Variants in GRK3 observed in about 807,000 individuals in gnomAD.
The protein encoded by GRK3 is adrenergic, beta, receptor kinase 2.
A neutral mutation model predicts 95.7 loss-of-function variants in GRK3; 54 were observed. The ratio of observed to expected loss-of-function variants is 0.56; its 90% CI spans 0.45 to 0.71. GRK3 has a LOEUF of 0.71. Among genes scored for constraint, GRK3 ranks in the 30% least tolerant of loss-of-function variants. GRK3 has a pLI of 0.00. For synonymous variants in GRK3, 281 were observed against 290.8 expected (o/e 0.97, Z 0.34); for missense variants, 649 against 851.2 (o/e 0.76, Z 2.96).
At chr22:25,691,071 G>A (rs948758855) in intron 12 of GRK3, among the ~76,000 whole-genome samples, 2 of 152,196 alleles carry the variant, frequency 1.3e-5, no homozygotes, top group African/African-American at 2.4e-5. Context: ...GACTAGGGCA[G>A]TTCCCCCGGG....
rs541238757 is a variant in GRK3, at chr22:25,699,940, T to G, written c.1161-3570T>G. 2.0e-5 allele frequency among the ~76,000 whole-genome samples: 3 copies of G among 152,300 alleles called. No homozygotes were observed. The East Asian group carries it at 5.8e-4, about 29-fold the overall frequency. ...GTCCCGATCTCCTGATCCCGTGATC[T>G]GCCCGCCTCGGCCTCCCAAAGTGCT... is the stretch of plus-strand genomic sequence containing the variant. On this transcript the variant is annotated intron_variant, in intron 13 of 20. Coordinates refer to ENST00000324198, the MANE Select transcript of GRK3 (RefSeq NM_005160.4).
At chr22:25,719,533 C>G (rs528623103) in intron 19 of GRK3, among the ~76,000 whole-genome samples, 2 of 152,134 alleles carry the variant, frequency 1.3e-5, no homozygotes, top group Non-Finnish European at 2.9e-5. Context: ...AAGATCCTTT[C>G]GAGAGCTAAT....
At chr22:25,611,495 G>A (rs764167880) in intron 2 of GRK3, among the ~76,000 whole-genome samples, 7 of 152,068 alleles carry the variant, frequency 4.6e-5, no homozygotes, top group Admixed American at 6.5e-5. Flanking sequence ...GTTGTTACCC[G>A]TCTTTTTTGT....
intron 4 of GRK3, among the ~76,000 whole-genome samples, chr22:25,662,169 T>C (rs1304976333): frequency 6.6e-6 from 1 of 152,170 alleles, no homozygotes; most frequent in East Asian, 1.9e-4. Flanking sequence ...CAATCTAACT[T>C]GGTCATTAGG....
At chr22:25,590,961 A>T (rs1318788297) in intron 1 of GRK3, among the ~76,000 whole-genome samples, 3 of 152,196 alleles carry the variant, frequency 2.0e-5, no homozygotes, top group East Asian at 3.9e-4. Context: ...TTGTCTTACC[A>T]GCTGGGCGTT....
At chr22:25,677,377 T>TAAAAAAAAAAA (rs376997700) in intron 8 of GRK3, among the ~76,000 whole-genome samples, 1 of 42,550 alleles carries the variant, frequency 2.4e-5, no homozygotes, top group African/African-American at 1.0e-4. Flanking sequence ...CCCCATATCT[T>TAAAAAAAAAAA]AAAAAAAAAA....
intron 2 of GRK3, among the ~76,000 whole-genome samples, chr22:25,627,194 C>A (rs185660688): frequency 1.6e-4 from 25 of 152,192 alleles, no homozygotes; most frequent in Non-Finnish European, 2.9e-4. Flanking sequence ...GCTCAAGAGC[C>A]GAGTTTTTAT....
intron 2 of GRK3, among the ~76,000 whole-genome samples, chr22:25,619,489 TGTC>T (rs1334737650): frequency 2.0e-5 from 3 of 152,042 alleles, no homozygotes; most frequent in Admixed American, 6.5e-5. Flanking sequence ...GAGTTTTTGT[TGTC>T]GTTGTTTTCG....
chr22:25,676,952 CT>C (rs1329919984), intron 8 of GRK3, among the ~76,000 whole-genome samples: 3 of 152,152 alleles, frequency 2.0e-5, no homozygotes, highest in African/African-American at 7.2e-5. Flanking sequence ...AGGTGCACCC[CT>C]AGGAGCCTGT....
chr22:25,616,406 G>A (rs1402453451), intron 2 of GRK3, among the ~76,000 whole-genome samples: 1 of 151,562 alleles, frequency 6.6e-6, no homozygotes, highest in East Asian at 1.9e-4. Context: ...GAGAGAGAGA[G>A]AAAGAGAGAG....
At position 25,659,309 on chromosome 22, in the gene GRK3, T is replaced by C. The variant is rs937673779; in HGVS notation, c.265-2267T>C. On this transcript the variant is annotated intron_variant, in intron 3 of 20. Transcript: ENST00000324198. ...AAGGTGAAGGACAAAAGAGAGAGCC[T>C]TGGATTGGGCCAGACAGAGATGACT... Among the ~76,000 whole-genome samples the C allele has an allele frequency of 9.9e-5, 15 of 152,208 alleles. 1 individual carries two copies. The highest frequency in any genetic ancestry group is 3.4e-4 in the African/African-American group (14 of 41,460).
chr22:25,686,823 TTTG>T (rs1195216077), intron 10 of GRK3, among the ~76,000 whole-genome samples: 2 of 152,098 alleles, frequency 1.3e-5, no homozygotes, highest in African/African-American at 4.8e-5. Context: ...GTATGATCAG[TTTG>T]TTGTTGTTGT....
chr22:25,709,876 G>C (rs201924056), intron 15 of GRK3, 22 bp from the exon 16 acceptor site: 34 of 1,596,298 alleles, frequency 2.1e-5, no homozygotes, highest in Non-Finnish European at 2.8e-5. Flanking sequence ...ACTCAGCACT[G>C]TTATGACTCT....
chr22:25,623,807 C>A (rs895470454), intron 2 of GRK3, among the ~76,000 whole-genome samples: 1 of 152,196 alleles, frequency 6.6e-6, no homozygotes, highest in Non-Finnish European at 1.5e-5. Flanking sequence ...ATTTCCACCA[C>A]AGCCACTTTA....
At position 25,722,313 on chromosome 22, in the gene GRK3, AAG is replaced by A; in HGVS notation, c.1932_1933del (p.Lys645ArgfsTer68). The stretch of plus-strand genomic sequence containing the variant: ...GAGTGATCCAGAGTTTGTGCAGTGG[AAG>A]AAAGAGTTGAACGAAACCTTCAAGG... ...CESDPEFVQWKKELNETFKEA... is the reference protein window; with the variant it reads ...CESDPEFVQWXKELNETFKEA... On this transcript the variant is annotated frameshift_variant, in exon 21 of 21. Coordinates refer to ENST00000324198, the MANE Select transcript of GRK3 (RefSeq NM_005160.4). LOFTEE classifies it high-confidence loss of function. The A allele has an allele frequency of 6.2e-7, 1 of 1,614,114 alleles. No individual in the cohort carries two copies. Among genetic ancestry groups the A allele is most frequent in the Middle Eastern group, 1.6e-4 (1 of 6,062 alleles).
chr22:25,718,449 T>C (rs1425442711), intron 19 of GRK3, 68 bp downstream of exon 19: 2 of 1,540,062 alleles, frequency 1.3e-6, no homozygotes, highest in African/African-American at 2.7e-5. Flanking sequence ...TATTTCATGT[T>C]GCTGACATGT....
At chr22:25,684,296 C>T (rs1415389041) in intron 9 of GRK3, among the ~76,000 whole-genome samples, 2 of 152,142 alleles carry the variant, frequency 1.3e-5, no homozygotes, top group African/African-American at 2.4e-5. Context: ...TGTAAGTTTT[C>T]CAGCTTTGTT....
intron 1 of GRK3, among the ~76,000 whole-genome samples, chr22:25,595,726 C>G (rs2084368038): frequency 6.6e-6 from 1 of 151,634 alleles, no homozygotes; most frequent in Non-Finnish European, 1.5e-5. Flanking sequence ...GTGGGAGGAT[C>G]TCTTGAGGCC....
intron 13 of GRK3, among the ~76,000 whole-genome samples, chr22:25,698,160 G>A (rs987282682): frequency 1.0e-4 from 15 of 147,452 alleles, no homozygotes; most frequent in Non-Finnish European, 7.5e-5. Context: ...GAAGGAAGAA[G>A]GGAGAGAGGA....
Sources: gnomAD v4.1 joint callset for allele counts (sites outside exome capture counted in the v4.1 genomes callset) on GRCh38, gnomAD v4.1.1 for gene constraint, MANE v1.5 for transcripts, NCBI Gene and HGNC (gene_info 2026-07-23, HGNC 2026-07-21) for gene names.